WDR37: variants seen among roughly 807,000 people sequenced by gnomAD.
WDR37 encodes WD repeat domain 37.
A neutral mutation model predicts 62.9 loss-of-function variants in WDR37; 19 were observed. The observed-to-expected ratio is 0.30, with a 90% confidence interval of 0.21 to 0.44. WDR37 has a LOEUF of 0.44. Among genes scored for constraint, WDR37 ranks in the 20% least tolerant of loss-of-function variants. The pLI is 1.00. For missense variants in WDR37, 474 were observed against 657.6 expected (o/e 0.72, Z 3.05); for synonymous variants, 250 against 260.9 (o/e 0.96, Z 0.40).
intron 13 of WDR37, among the ~76,000 whole-genome samples, chr10:1,128,013 G>C (rs1417355573): frequency 2.0e-5 from 3 of 152,246 alleles, no homozygotes; most frequent in Admixed American, 6.5e-5. Context: ...TTTGCCTCCA[G>C]TTAGTGGATG....
At chr10:1,089,176 GC>G (rs1564503040) in intron 7 of WDR37, among the ~76,000 whole-genome samples, 1 of 151,980 alleles carries the variant, frequency 6.6e-6, no homozygotes, top group Non-Finnish European at 1.5e-5. Flanking sequence ...CTTGGTGTCC[GC>G]CCTCATGCCC....
chr10:1,067,879 A>G (rs1316374464), intron 1 of WDR37, among the ~76,000 whole-genome samples: 4 of 152,178 alleles, frequency 2.6e-5, no homozygotes, highest in Non-Finnish European at 5.9e-5. Flanking sequence ...ACACTCTGCA[A>G]TACCATTCAG....
At chr10:1,095,511 C>G (rs553974053) in intron 8 of WDR37, among the ~76,000 whole-genome samples, 144 of 152,264 alleles carry the variant, frequency 9.5e-4, no homozygotes, top group African/African-American at 3.4e-3. Flanking sequence ...ATCAAATGTG[C>G]TGCATCAGCT....
intron 1 of WDR37, among the ~76,000 whole-genome samples, chr10:1,069,303 T>C (rs545784974): frequency 6.2e-4 from 93 of 148,990 alleles, no homozygotes; most frequent in Non-Finnish European, 1.1e-3. Context: ...AGAACTTAGG[T>C]TCACATAAAA....
chr10:1,096,851 C>G (rs1312445878), intron 9 of WDR37, among the ~76,000 whole-genome samples: 1 of 152,038 alleles, frequency 6.6e-6, no homozygotes, highest in Non-Finnish European at 1.5e-5. Flanking sequence ...AATGGGGACT[C>G]GGGTGAAGGC....
chr10:1,115,765 C>T (rs1835371657), intron 11 of WDR37, among the ~76,000 whole-genome samples: 1 of 152,126 alleles, frequency 6.6e-6, no homozygotes, highest in South Asian at 2.1e-4. Context: ...TTGGTGATGG[C>T]TTTTGAGTCC....
rs1422006021 is a variant in WDR37, at chr10:1,131,365, G to A, written c.*2021G>A. The A allele has an allele frequency of 2.0e-5, 3 of 152,256 alleles. No individual in the cohort carries two copies. The highest frequency in any genetic ancestry group is 7.2e-5 in the African/African-American group (3 of 41,466). The allele number at this position is 152,256 out of a possible 1,614,324, so 9.4% of individuals were successfully genotyped here. A position where few individuals can be genotyped will look rare whatever the true frequency, so the allele number is the denominator to read the frequency against. On this transcript the variant is annotated 3_prime_UTR_variant, in exon 14 of 14. Coordinates refer to ENST00000263150, the MANE Select transcript of WDR37 (RefSeq NM_014023.4). The stretch of plus-strand genomic sequence containing the variant: ...GAACATTGAAAAATGGCTGCAAATA[G>A]CCAAATCAAACTTAAGAACCAGATC...
In WDR37 at chr10:1,103,464, C is replaced by T. The variant is rs1436644445; in HGVS notation, c.727-138C>T. The T allele has an allele frequency of 7.9e-6, 7 of 889,762 alleles. No individual in the cohort carries two copies. The East Asian group carries it at 1.1e-4, about 14-fold the overall frequency. The allele number at this position is 889,762 out of a possible 1,614,324, so 55.1% of individuals were successfully genotyped here. The stretch of plus-strand genomic sequence containing the variant: ...GACATACTCATCACTGTGGCCAGCA[C>T]CAGGCTCCTAGTGGTGACCATCATG... On this transcript the variant is annotated intron_variant, in intron 9 of 13. Transcript: ENST00000263150. The surrounding 1 kb of genome is among the most constrained non-coding windows in gnomAD (Gnocchi z 6.3).
At chr10:1,118,639 A>G (rs563163513) in intron 11 of WDR37, among the ~76,000 whole-genome samples, 2 of 152,340 alleles carry the variant, frequency 1.3e-5, no homozygotes, top group Non-Finnish European at 2.9e-5. Context: ...CAGAGCAGAG[A>G]AACACTTCAT....
In WDR37 at chr10:1,092,405, C is replaced by T. The variant is rs867324375; in HGVS notation, c.605-1047C>T. On this transcript the variant is annotated intron_variant, in intron 7 of 13. Coordinates refer to ENST00000263150, the MANE Select transcript of WDR37 (RefSeq NM_014023.4). ...TTTTTGAGACGGAATCTCGCTCTGT[C>T]GCCCAGGCTGGAGTGCAGTGGCTCG... Among the ~76,000 whole-genome samples, 19 of 151,382 alleles carry T rather than the reference C, an allele frequency of 1.3e-4. No homozygotes were observed. In the Middle Eastern group the frequency reaches 0.01, roughly 82 times the overall value.
intron 1 of WDR37, among the ~76,000 whole-genome samples, chr10:1,071,683 T>C (rs1024618693): frequency 3.9e-5 from 6 of 152,236 alleles, no homozygotes; most frequent in African/African-American, 9.6e-5. Context: ...AGTAATTTCA[T>C]ATGCTTTTAT....
chr10:1,072,388 G>A lies in WDR37; in HGVS notation c.138+95G>A, dbSNP rs1463633502. 15 of 1,490,640 alleles carry A rather than the reference G, an allele frequency of 1.0e-5. No individual in the cohort carries two copies. The Admixed American group carries it at 1.7e-4, about 17-fold the overall frequency. The allele number at this position is 1,490,640 out of a possible 1,614,324, so 92.3% of individuals were successfully genotyped here. On this transcript the variant is annotated intron_variant, in intron 2 of 13. Transcript: ENST00000263150. ...GCTGGAGTGCGATGGTGCGATCTCC[G>A]CTCACAACCTCCACCTCCTGGGTGG...
chr10:1,068,207 C>T lies in WDR37; in HGVS notation c.-40-3909C>T, dbSNP rs549397715. Among the ~76,000 whole-genome samples the T allele has an allele frequency of 4.6e-5, 7 of 152,100 alleles. 2 individuals carry two copies. The South Asian group carries it at 1.5e-3, about 32-fold the overall frequency. On this transcript the variant is annotated intron_variant, in intron 1 of 13. Transcript: ENST00000263150. ...TAAGAAAGCAGTATCTTAGGCCGGG[C>T]GCGGTGGCTGACGCCTGTAATCCCA...
At chr10:1,106,900 C>T (rs1299022223) in intron 11 of WDR37, among the ~76,000 whole-genome samples, 1 of 152,204 alleles carries the variant, frequency 6.6e-6, no homozygotes. Flanking sequence ...GCAGCAGTCA[C>T]GACCATGCGT....
intron 13 of WDR37, among the ~76,000 whole-genome samples, chr10:1,126,240 A>G (rs187191197): frequency 0.018 from 2,766 of 151,942 alleles, 35 homozygotes; most frequent in Non-Finnish European, 0.029. Context: ...CCTGTCTCTA[A>G]TAAAAATACA....
At chr10:1,095,270 C>G (rs1834537360) in intron 8 of WDR37, among the ~76,000 whole-genome samples, 1 of 143,346 alleles carries the variant, frequency 7.0e-6, no homozygotes, top group African/African-American at 2.7e-5. Context: ...GAGAGTTAGA[C>G]TTGGAAACTG....
chr10:1,067,115 T>C (rs975821860), intron 1 of WDR37, among the ~76,000 whole-genome samples: 1 of 152,052 alleles, frequency 6.6e-6, no homozygotes, highest in Admixed American at 6.6e-5. Flanking sequence ...TGGAACAGAA[T>C]AGAGAACCAA....
At chr10:1,125,072 G>A in intron 13 of WDR37, 48 bp downstream of exon 13, 1 of 1,589,206 alleles carries the variant, frequency 6.3e-7, no homozygotes, top group Non-Finnish European at 8.6e-7. Flanking sequence ...GGAGGAGGAC[G>A]GGTAGAGATA....
At chr10:1,087,102 C>T (rs548894068) in intron 7 of WDR37, among the ~76,000 whole-genome samples, 2 of 152,368 alleles carry the variant, frequency 1.3e-5, no homozygotes, top group African/African-American at 4.8e-5. Flanking sequence ...GCCTTCCCCT[C>T]CCCTTTCCCA....
Sources: allele counts gnomAD v4.1 joint callset (sites outside exome capture counted in the v4.1 genomes callset), GRCh38; gene constraint gnomAD v4.1.1; non-coding constraint Gnocchi (gnomAD v3.1); transcripts MANE v1.5; gene names NCBI Gene and HGNC (gene_info 2026-07-23, HGNC 2026-07-21).